Variants in CUBN observed in about 807,000 individuals in gnomAD.
The protein encoded by CUBN is cubilin, also known as 460 kDa receptor.
In CUBN, 282 loss-of-function variants were observed where a neutral mutation model predicts 405.3. The ratio of observed to expected loss-of-function variants is 0.70; its 90% CI spans 0.63 to 0.77. The LOEUF (loss-of-function observed/expected upper bound fraction) is 0.77. Ranked by LOEUF, CUBN falls within the 30% of genes least tolerant of loss-of-function variation. The pLI, the probability that CUBN is intolerant of heterozygous loss-of-function variation, is 0.00. For synonymous variants in CUBN, 1,684 were observed against 1,617.0 expected, an observed-to-expected ratio of 1.04 and a Z score of -0.99; for missense variants, 4,514 against 4,475.2, an observed-to-expected ratio of 1.01 and a Z score of -0.25.
At chr10:17,084,546 CCACA>C (rs45464996) in intron 16 of CUBN, 85 bp from the exon 17 acceptor site, 27 of 914,774 alleles carry the variant, frequency 3.0e-5, no homozygotes, top group East Asian at 7.9e-5. Flanking sequence ...AAAAATTTAC[CCACA>C]CACACACACA....
intron 43 of CUBN, among the ~76,000 whole-genome samples, chr10:16,922,630 C>T (rs1842067813): frequency 6.6e-6 from 1 of 152,126 alleles, no homozygotes; most frequent in South Asian, 2.1e-4. Flanking sequence ...ATGTTTATCT[C>T]TTTTTGACTC....
At chr10:16,950,176 G>T in intron 33 of CUBN, 65 bp from the exon 34 acceptor site, 1 of 1,120,156 alleles carries the variant, frequency 8.9e-7, no homozygotes, top group Non-Finnish European at 1.3e-6. Context: ...GGGAGATGGG[G>T]CAAGACGGGG....
At chr10:17,044,927 A>C in intron 25 of CUBN, 80 bp downstream of exon 25, 1 of 1,350,210 alleles carries the variant, frequency 7.4e-7, no homozygotes, top group Non-Finnish European at 1.1e-6. Context: ...CCTTTCCTGA[A>C]TCTCGAAAAT....
At chr10:16,863,885 A>C (rs149032830) in intron 59 of CUBN, among the ~76,000 whole-genome samples, 2 of 152,276 alleles carry the variant, frequency 1.3e-5, no homozygotes, top group Admixed American at 1.3e-4. Flanking sequence ...TCCAGATGTT[A>C]AGGTAACAGG....
intron 6 of CUBN, among the ~76,000 whole-genome samples, chr10:17,120,627 C>CCTAGCT (rs1177743920): frequency 6.6e-6 from 1 of 151,892 alleles, no homozygotes; most frequent in Non-Finnish European, 1.5e-5. Context: ...TTCCTTTCCT[C>CCTAGCT]CTAGCTCTCA....
chr10:16,859,101 T>C (rs971525340), intron 59 of CUBN, among the ~76,000 whole-genome samples: 11 of 152,164 alleles, frequency 7.2e-5, no homozygotes, highest in Non-Finnish European at 1.3e-4. Flanking sequence ...ACATGATCTA[T>C]AAAAGAAAAA....
chr10:16,917,240 G>A (rs1488974400), intron 45 of CUBN, among the ~76,000 whole-genome samples: 6 of 152,014 alleles, frequency 3.9e-5, no homozygotes, highest in Non-Finnish European at 5.9e-5. Flanking sequence ...GTTCTTAAAT[G>A]GTTTTATTAC....
chr10:16,913,192 G>C (rs552506618), intron 48 of CUBN, among the ~76,000 whole-genome samples: 1 of 152,302 alleles, frequency 6.6e-6, no homozygotes, highest in Non-Finnish European at 1.5e-5. Context: ...GGGGCAAGTT[G>C]GGTGGATAAA....
At chr10:17,070,585 TA>T in intron 19 of CUBN, among the ~76,000 whole-genome samples, 1 of 152,318 alleles carries the variant, frequency 6.6e-6, no homozygotes, top group East Asian at 1.9e-4. Context: ...CACTTATTTT[TA>T]AAACTGTATT....
chr10:17,037,136 T>G (rs919823831), intron 27 of CUBN, among the ~76,000 whole-genome samples: 24 of 152,252 alleles, frequency 1.6e-4, no homozygotes, highest in Non-Finnish European at 3.5e-4. Context: ...GTTTGAATAG[T>G]GCTATTCCAA....
Position 16,835,025 on chromosome 10 carries a change from C to A in CUBN, c.10351G>T (p.Asp3451Tyr). Residue 3451 changes from aspartate (D) to tyrosine (Y), a missense_variant, in exon 64 of 67, where the codon GAT (aspartate) becomes TAT (tyrosine). Physicochemically the swap from Asp to Tyr is radical, Grantham distance 160 (BLOSUM62 -3). Coordinates refer to ENST00000377833, the MANE Select transcript of CUBN (RefSeq NM_001081.4). ...GIENSVECRN[D>Y]FLEVRNGSNS... Reference sequence around the variant, plus strand: ...CAAATGCATATCACCTCCAAGAAATCGTTTCTGCATTCAACTGAGTTCTCG... The same window carrying A: ...CAAATGCATATCACCTCCAAGAAATAGTTTCTGCATTCAACTGAGTTCTCG... 6.2e-7 allele frequency: 1 copy of A among 1,613,710 alleles called. No individual in the cohort carries two copies. The highest frequency in any genetic ancestry group is 8.5e-7 in the Non-Finnish European group (1 of 1,179,732).
At chr10:16,968,975 G>C (rs1843476485) in intron 31 of CUBN, among the ~76,000 whole-genome samples, 1 of 152,228 alleles carries the variant, frequency 6.6e-6, no homozygotes, top group African/African-American at 2.4e-5. Context: ...TGCAAGTCCA[G>C]CTTCCTGATT....
intron 31 of CUBN, among the ~76,000 whole-genome samples, chr10:16,967,429 A>C (rs2131662755): frequency 6.6e-6 from 1 of 152,320 alleles, no homozygotes; most frequent in East Asian, 1.9e-4. Flanking sequence ...AAACCAAGCC[A>C]AACCAAACCC....
At chr10:16,936,148 T>A (rs1284795035) in intron 39 of CUBN, among the ~76,000 whole-genome samples, 2 of 152,090 alleles carry the variant, frequency 1.3e-5, no homozygotes, top group Non-Finnish European at 1.5e-5. Context: ...TTACATCATA[T>A]AATTATGAAA....
At chr10:16,964,799 G>A (rs1289648905) in intron 31 of CUBN, among the ~76,000 whole-genome samples, 2 of 152,158 alleles carry the variant, frequency 1.3e-5, no homozygotes, top group East Asian at 1.9e-4. Context: ...TTTAATGGAC[G>A]TGGCTTCTGT....
At chr10:16,926,923 T>C (rs1156689541) in intron 41 of CUBN, among the ~76,000 whole-genome samples, 3 of 151,864 alleles carry the variant, frequency 2.0e-5, no homozygotes. Flanking sequence ...AGTGCACTGG[T>C]TCCCTGACTA....
rs958683890 is a variant in CUBN, at chr10:17,109,668, G to A, written c.1083C>T (p.His361=). 1 of 1,613,954 alleles carries A rather than the reference G, an allele frequency of 6.2e-7. No homozygotes were observed. The change falls in exon 10 of 67, where the codon CAC becomes CAT. Residue 361 remains histidine, a synonymous_variant. Transcript: ENST00000377833. The part of the protein sequence containing the change: ...DICSVSNGGC[H]PDASCSSTLG... ...GAGTTGAGGAGCATGAGGCATCTGGGTGGCAGCCTCCATTACTGACTGAGC... is the reference window on the plus strand; with the variant it reads ...GAGTTGAGGAGCATGAGGCATCTGGATGGCAGCCTCCATTACTGACTGAGC...
intron 31 of CUBN, among the ~76,000 whole-genome samples, chr10:16,963,830 C>T (rs1454474882): frequency 1.3e-5 from 2 of 152,116 alleles, no homozygotes; most frequent in African/African-American, 4.8e-5. Flanking sequence ...ACATGATGTA[C>T]ATAAAGTCTT....
chr10:16,978,092 G>T (rs1326718661), intron 31 of CUBN, among the ~76,000 whole-genome samples: 1 of 152,170 alleles, frequency 6.6e-6, no homozygotes, highest in East Asian at 1.9e-4. Flanking sequence ...ATTCACTCAG[G>T]TAACTCAAAT....
Sources: allele counts gnomAD v4.1 joint callset (sites outside exome capture counted in the v4.1 genomes callset), GRCh38; gene constraint gnomAD v4.1.1; transcripts MANE v1.5; gene names NCBI Gene and HGNC (gene_info 2026-07-23, HGNC 2026-07-21).